TAFA1: variants seen among roughly 807,000 people sequenced by gnomAD.
TAFA1 encodes the protein chemokine-like protein TAFA-1.
Under a neutral mutation model 18.5 loss-of-function variants are expected in TAFA1, and 4 were observed. That is an observed-to-expected ratio of 0.22 (90% CI 0.11 to 0.49). TAFA1 has a LOEUF of 0.49. Ranked by LOEUF, TAFA1 falls within the 20% of genes least tolerant of loss-of-function variation. The probability of loss-of-function intolerance (pLI) is 0.98; values close to 1 mark genes in which losing one functional copy is unlikely to be tolerated. For synonymous variants in TAFA1, 56 were observed against 55.2 expected, an observed-to-expected ratio of 1.01 and a Z score of -0.06; for missense variants, 147 against 169.0, an observed-to-expected ratio of 0.87 and a Z score of 0.72.
At chr3:68,529,411 C>T (rs558061077) in intron 3 of TAFA1, among the ~76,000 whole-genome samples, 2 of 129,674 alleles carry the variant, frequency 1.5e-5, no homozygotes, top group Non-Finnish European at 3.1e-5. Context: ...CCCCTTTGCT[C>T]ATGGAATCTA....
intron 2 of TAFA1, among the ~76,000 whole-genome samples, chr3:68,214,252 A>G (rs1273259928): frequency 6.6e-6 from 1 of 152,054 alleles, no homozygotes; most frequent in Non-Finnish European, 1.5e-5. Flanking sequence ...GAATTCAGGC[A>G]TTTCCTTAAT....
At chr3:68,146,187 A>G (rs1464019125) in intron 2 of TAFA1, among the ~76,000 whole-genome samples, 2 of 152,184 alleles carry the variant, frequency 1.3e-5, no homozygotes, top group Non-Finnish European at 2.9e-5. Context: ...CTGCCTTGGA[A>G]TCCTGTCAAA....
At chr3:68,098,577 G>A (rs2106812112) in intron 2 of TAFA1, among the ~76,000 whole-genome samples, 1 of 152,146 alleles carries the variant, frequency 6.6e-6, no homozygotes, top group South Asian at 2.1e-4. Context: ...TGAGATATCT[G>A]CTTGGAGGAG....
intron 2 of TAFA1, among the ~76,000 whole-genome samples, chr3:68,126,594 T>C (rs2065467731): frequency 6.6e-6 from 1 of 152,266 alleles, no homozygotes; most frequent in Admixed American, 6.5e-5. Context: ...TCATTGATCC[T>C]GTTATGGGCC....
chr3:68,105,491 T>G (rs952909095), intron 2 of TAFA1, among the ~76,000 whole-genome samples: 2 of 152,132 alleles, frequency 1.3e-5, no homozygotes, highest in Non-Finnish European at 1.5e-5. Flanking sequence ...CTATGACTGC[T>G]CTTTAAGCAA....
At chr3:68,444,886 C>A (rs2071450523) in intron 3 of TAFA1, among the ~76,000 whole-genome samples, 2 of 150,732 alleles carry the variant, frequency 1.3e-5, no homozygotes, top group Non-Finnish European at 3.0e-5. Flanking sequence ...TCTATGATCT[C>A]AAGCACTTCT....
chr3:68,125,122 C>G (rs1473624247), intron 2 of TAFA1, among the ~76,000 whole-genome samples: 1 of 152,198 alleles, frequency 6.6e-6, no homozygotes, highest in East Asian at 1.9e-4. Context: ...AGTGAGCACA[C>G]AATCTGGATT....
intron 2 of TAFA1, among the ~76,000 whole-genome samples, chr3:68,164,630 C>CGTGTGTGTGTGTGTGTGT (rs1306831109): frequency 6.8e-6 from 1 of 146,614 alleles, no homozygotes; most frequent in South Asian, 2.2e-4. Flanking sequence ...CCTTTTGCAA[C>CGTGTGTGTGTGTGTGTGT]GTGTGTGTGT....
chr3:68,154,516 T>G (rs1456269526), intron 2 of TAFA1, among the ~76,000 whole-genome samples: 1 of 152,202 alleles, frequency 6.6e-6, no homozygotes, highest in Non-Finnish European at 1.5e-5. Context: ...CTCTTTAGCT[T>G]ATAATATTGC....
chr3:68,239,051 A>G (rs2066965555), intron 2 of TAFA1, among the ~76,000 whole-genome samples: 1 of 152,186 alleles, frequency 6.6e-6, no homozygotes, highest in African/African-American at 2.4e-5. Flanking sequence ...CTTTTTGAAT[A>G]TTAAATTTTT....
At chr3:68,246,429 A>G (rs866396227) in intron 2 of TAFA1, among the ~76,000 whole-genome samples, 19 of 151,410 alleles carry the variant, frequency 1.3e-4, no homozygotes, top group Admixed American at 1.3e-4. Context: ...TCTCTACTAA[A>G]AATACAAAAA....
Position 68,230,848 on chromosome 3 carries a change from T to C in TAFA1, c.119-186432T>C, listed in dbSNP as rs1055319314. Reference sequence around the variant, plus strand: ...GTGAGACAATATCCCATTGTGGTTTTCATTTGCATTTCTCTGATATTAGTG... The same window carrying C: ...GTGAGACAATATCCCATTGTGGTTTCCATTTGCATTTCTCTGATATTAGTG... On this transcript the variant is annotated intron_variant, in intron 2 of 4. Coordinates refer to ENST00000478136, the MANE Select transcript of TAFA1 (RefSeq NM_213609.4). Among the ~76,000 whole-genome samples the C allele has an allele frequency of 3.3e-5, 5 of 152,264 alleles. No homozygotes were observed. The South Asian group carries it at 1.0e-3, about 32-fold the overall frequency.
In TAFA1 at chr3:68,259,007, C is replaced by G. The variant is rs571299857; in HGVS notation, c.119-158273C>G. ...AGCATGCCAGGACTCACATCTAGCT[C>G]TTCCCAAAGGCACACGTGGGCAGGG... On this transcript the variant is annotated intron_variant, in intron 2 of 4. Coordinates refer to ENST00000478136, the MANE Select transcript of TAFA1 (RefSeq NM_213609.4). 2.5e-4 allele frequency among the ~76,000 whole-genome samples: 38 copies of G among 152,300 alleles called. 1 individual carries two copies. The highest frequency in any genetic ancestry group is 8.7e-4 in the African/African-American group (36 of 41,562).
At chr3:68,368,127 T>A (rs1042268180) in intron 2 of TAFA1, among the ~76,000 whole-genome samples, 2 of 152,230 alleles carry the variant, frequency 1.3e-5, no homozygotes, top group Non-Finnish European at 2.9e-5. Context: ...ATTTTCATTT[T>A]GTTCACATTC....
upstream of TAFA1, among the ~76,000 whole-genome samples, chr3:68,000,284 A>AT: frequency 6.6e-6 from 1 of 152,338 alleles, no homozygotes; most frequent in East Asian, 1.9e-4. Flanking sequence ...CCTCATGGTG[A>AT]TTGTTATAAG....
Position 68,184,397 on chromosome 3 carries a change from A to G in TAFA1, c.118+177653A>G, listed in dbSNP as rs145803771. Among the ~76,000 whole-genome samples the G allele has an allele frequency of 2.2e-4, 34 of 152,250 alleles. No individual in the cohort carries two copies. In the East Asian group the frequency reaches 6.2e-3, roughly 28 times the overall value. On this transcript the variant is annotated intron_variant, in intron 2 of 4. Coordinates refer to ENST00000478136, the MANE Select transcript of TAFA1 (RefSeq NM_213609.4). ...GAAAATTATTAGAGTCTGTATTTGG[A>G]AACACTGTGGCTAGAAGGTATACCA... is the stretch of plus-strand genomic sequence containing the variant.
intron 2 of TAFA1, among the ~76,000 whole-genome samples, chr3:68,370,468 GTGTGTATATATATATATATA>G (rs1276598669): frequency 1.8e-4 from 3 of 16,616 alleles, no homozygotes; most frequent in African/African-American, 2.5e-4. Flanking sequence ...GTGTGTGTGT[GTGTGTATATATATATATATA>G]TATATATATA....
At chr3:68,456,744 C>T (rs567705901) in intron 3 of TAFA1, among the ~76,000 whole-genome samples, 16 of 152,248 alleles carry the variant, frequency 1.1e-4, no homozygotes, top group South Asian at 4.1e-4. Context: ...CAAGCTTTTG[C>T]GCCTGCTGGC....
At chr3:68,098,317 C>A (rs1359732312) in intron 2 of TAFA1, among the ~76,000 whole-genome samples, 1 of 151,938 alleles carries the variant, frequency 6.6e-6, no homozygotes, top group East Asian at 1.9e-4. Flanking sequence ...TTAAGAAGAG[C>A]AGAATTTTCT....
Sources: gnomAD v4.1 joint callset for allele counts (sites outside exome capture counted in the v4.1 genomes callset) on GRCh38, gnomAD v4.1.1 for gene constraint, MANE v1.5 for transcripts, NCBI Gene and HGNC (gene_info 2026-07-23, HGNC 2026-07-21) for gene names.